TRPA1: variants seen among roughly 807,000 people sequenced by gnomAD.
TRPA1 encodes the protein transient receptor potential cation channel subfamily A member 1, also known as ankyrin-like with transmembrane domains 1.
In TRPA1, 129 loss-of-function variants were observed where a neutral mutation model predicts 131.3. The ratio of observed to expected loss-of-function variants is 0.98; its 90% CI spans 0.85 to 1.14. The LOEUF (loss-of-function observed/expected upper bound fraction) is 1.14, where lower values mean the gene tolerates loss of function less well. Among genes scored for constraint, TRPA1 ranks in the 50% most tolerant of loss-of-function variants. The pLI is 0.00. For missense variants in TRPA1, 1,304 were observed against 1,354.2 expected (o/e 0.96, Z 0.58); for synonymous variants, 441 against 451.7 (o/e 0.98, Z 0.30).
chr8:72,053,889 A>T (rs3735944), intron 12 of TRPA1, 22 bp from the exon 13 acceptor site: 4 of 1,581,338 alleles, frequency 2.5e-6, no homozygotes, highest in Non-Finnish European at 3.5e-6. Context: ...TTAAGAAAAG[A>T]TGTGTGCATA....
upstream of TRPA1, among the ~76,000 whole-genome samples, chr8:72,079,462 A>G (rs371985047): frequency 2.0e-5 from 3 of 151,960 alleles, no homozygotes; most frequent in African/African-American, 7.2e-5. Flanking sequence ...TAAAAAAACT[A>G]TACATCCCTC....
intron 17 of TRPA1, among the ~76,000 whole-genome samples, chr8:72,044,145 A>G (rs1812348480): frequency 6.6e-6 from 1 of 151,378 alleles, no homozygotes; most frequent in Non-Finnish European, 1.5e-5. Flanking sequence ...CCCCTTGCAA[A>G]TATTCATTAT....
intron 23 of TRPA1, among the ~76,000 whole-genome samples, chr8:72,032,129 G>A (rs543002073): frequency 1.3e-4 from 20 of 152,290 alleles, no homozygotes; most frequent in Non-Finnish European, 2.8e-4. Flanking sequence ...GAGGCGTTGG[G>A]AAAGATCTTG....
Position 72,046,621 on chromosome 8 carries a change from G to GA in TRPA1, c.1966-14dup. 6.8e-7 allele frequency: 1 copy of GA among 1,461,802 alleles called. No individual in the cohort carries two copies. The highest frequency in any genetic ancestry group is 9.5e-7 in the Non-Finnish European group (1 of 1,050,814). 90.6% of individuals were successfully genotyped at this position (1,461,802 alleles called of 1,614,324 possible). A position where few individuals can be genotyped will look rare whatever the true frequency, so the allele number is the denominator to read the frequency against. ...AATTATACTCGATCTGTAGAAGACAGAATTTTTTTTAAAAAAATGTACAGT... is the reference window on the plus strand; with the variant it reads ...AATTATACTCGATCTGTAGAAGACAGAAATTTTTTTTAAAAAAATGTACAGT... On this transcript the variant is annotated splice_polypyrimidine_tract_variant and intron_variant, in intron 16 of 26. Transcript: ENST00000262209.
At chr8:72,052,994 T>TGTGTGTGTGTGTGTGATAGA (rs1491537785) in intron 13 of TRPA1, 11 of 331,352 alleles carry the variant, frequency 3.3e-5, no homozygotes, top group East Asian at 6.6e-5. Context: ...TGTGTGTGTG[T>TGTGTGTGTGTGTGTGATAGA]GAGAGATAGA....
chr8:72,073,918 G>A (rs898085331), intron 1 of TRPA1, among the ~76,000 whole-genome samples: 4 of 152,170 alleles, frequency 2.6e-5, no homozygotes, highest in Admixed American at 6.5e-5. Context: ...TGGCCAAACC[G>A]GACATGTCAA....
intron 19 of TRPA1, among the ~76,000 whole-genome samples, 165 bp from the exon 20 acceptor site, chr8:72,038,237 T>A (rs1055067621): frequency 6.6e-6 from 1 of 151,996 alleles, no homozygotes; most frequent in African/African-American, 2.4e-5. Context: ...AATACTCATA[T>A]AATTTACTAG....
chr8:72,085,556 GA>G, the TRPA1 span, among the ~76,000 whole-genome samples: 1 of 151,182 alleles, frequency 6.6e-6, no homozygotes, highest in African/African-American at 2.4e-5. Context: ...ATTTTTACTA[GA>G]TATTAACACT....
intron 24 of TRPA1, among the ~76,000 whole-genome samples, chr8:72,029,549 T>A (rs1158372303): frequency 6.6e-6 from 1 of 152,216 alleles, no homozygotes; most frequent in African/African-American, 2.4e-5. Flanking sequence ...TAAATAAACG[T>A]GATGCAGACA....
In TRPA1 at chr8:72,058,284, G is replaced by A. The variant is rs980881850; in HGVS notation, c.994-468C>T. On this transcript the variant is annotated intron_variant, in intron 8 of 26. Coordinates refer to ENST00000262209, the MANE Select transcript of TRPA1 (RefSeq NM_007332.3). ...ATAGATGAACTGAAATAATTGAATC[G>A]AAATCACTCAAATTCTAAAGTAAAA... is the stretch of plus-strand genomic sequence containing the variant. 4.6e-5 allele frequency among the ~76,000 whole-genome samples: 7 copies of A among 151,926 alleles called. No individual in the cohort carries two copies. The South Asian group carries it at 8.3e-4, about 18-fold the overall frequency.
At chr8:72,077,299 G>A (rs960363139), upstream of TRPA1, among the ~76,000 whole-genome samples, 1 of 145,320 alleles carries the variant, frequency 6.9e-6, no homozygotes, top group Non-Finnish European at 1.5e-5. Context: ...GTGGGGGGGG[G>A]GGCAGCGTGG....
chr8:72,038,074 T>C lies in TRPA1; in HGVS notation c.2296-2A>G. ...ACAAGTTTTTATTAGATATGAATTCTAAAACAAAAAAGGATAAGACACATA... is the reference window on the plus strand; with the variant it reads ...ACAAGTTTTTATTAGATATGAATTCCAAAACAAAAAAGGATAAGACACATA... On this transcript the variant is annotated splice_acceptor_variant, in intron 19 of 26. Transcript: ENST00000262209. LOFTEE classifies it high-confidence loss of function. 1 of 1,442,708 alleles carries C rather than the reference T, an allele frequency of 6.9e-7. No individual in the cohort carries two copies. The highest frequency in any genetic ancestry group is 1.2e-5 in the South Asian group (1 of 85,694). The allele number at this position is 1,442,708 out of a possible 1,614,324, so 89.4% of individuals were successfully genotyped here.
chr8:72,045,015 A>G (rs1056007452), intron 17 of TRPA1, among the ~76,000 whole-genome samples: 2 of 151,752 alleles, frequency 1.3e-5, no homozygotes, highest in African/African-American at 2.4e-5. Flanking sequence ...TGATAGAAGT[A>G]TTGCCTATTT....
At chr8:72,053,678 GGA>G in intron 13 of TRPA1, 73 bp downstream of exon 13, 2 of 1,085,368 alleles carry the variant, frequency 1.8e-6, no homozygotes, top group South Asian at 2.6e-5. Context: ...AAGGTGTCTA[GGA>G]GAGTTTTCTG....
chr8:72,084,726 A>G, the TRPA1 span, among the ~76,000 whole-genome samples: 1 of 139,838 alleles, frequency 7.2e-6, no homozygotes, highest in African/African-American at 2.7e-5. Flanking sequence ...ATCTTGACTC[A>G]CTGCAACCTC....
At chr8:72,053,439 G>T in intron 13 of TRPA1, 1 of 397,714 alleles carries the variant, frequency 2.5e-6, no homozygotes, top group Non-Finnish European at 4.7e-6. Flanking sequence ...TTATCTTAAT[G>T]AAAACTCACC....
chr8:72,036,727 G>A (rs1202453129), intron 20 of TRPA1, among the ~76,000 whole-genome samples: 1 of 152,174 alleles, frequency 6.6e-6, no homozygotes, highest in Non-Finnish European at 1.5e-5. Flanking sequence ...GGCTTTCCCT[G>A]TGGAGTCCAC....
At chr8:72,086,292 A>G in the TRPA1 span, among the ~76,000 whole-genome samples, 14 of 152,216 alleles carry the variant, frequency 9.2e-5, no homozygotes, top group Admixed American at 7.2e-4. Context: ...GTTAATTATT[A>G]TATCTTTCTC....
chr8:72,075,984 G>C (rs16937983), upstream of TRPA1, among the ~76,000 whole-genome samples: 3,209 of 151,876 alleles, frequency 0.021, 121 homozygotes, highest in African/African-American at 0.072. Context: ...TAGTTTTCAG[G>C]AGTTTTTTCT....
Sources: allele counts gnomAD v4.1 joint callset (sites outside exome capture counted in the v4.1 genomes callset), GRCh38; gene constraint gnomAD v4.1.1; transcripts MANE v1.5; gene names NCBI Gene and HGNC (gene_info 2026-07-23, HGNC 2026-07-21).